The following LRP5 variants were observed in gnomAD, a reference collection of about 807,000 sequenced individuals.
LRP5 encodes low-density lipoprotein receptor-related protein 5.
LRP5 carries 62 observed loss-of-function variants against 154.1 expected under a neutral mutation model. The ratio of observed to expected loss-of-function variants is 0.40; its 90% CI spans 0.33 to 0.50. The LOEUF is 0.50. LRP5 is among the 20% of genes least tolerant of loss of function. The pLI, the probability that LRP5 is intolerant of heterozygous loss-of-function variation, is 0.55. For missense variants in LRP5, 1,915 were observed against 2,336.7 expected (o/e 0.82, Z 3.72); for synonymous variants, 966 against 1,011.5 (o/e 0.96, Z 0.85).
chr11:68,299,798 G>T, the LRP5 span, among the ~76,000 whole-genome samples: 9 of 148,886 alleles, frequency 6.0e-5, no homozygotes, highest in African/African-American at 2.2e-4. Context: ...GGCCAAGCTG[G>T]TCTCAAACTC....
chr11:68,391,585 C>T (rs1467790586), intron 7 of LRP5, among the ~76,000 whole-genome samples: 1 of 152,214 alleles, frequency 6.6e-6, no homozygotes, highest in African/African-American at 2.4e-5. Flanking sequence ...CGGGAGGAGT[C>T]TCAGCACCTT....
At chr11:68,312,336 TC>T (rs886999357), upstream of LRP5, among the ~76,000 whole-genome samples, 5 of 151,768 alleles carry the variant, frequency 3.3e-5, no homozygotes, top group Non-Finnish European at 7.4e-5. Flanking sequence ...CACACCTGGC[TC>T]CGGGCCCCGA....
At chr11:68,356,143 CTT>C (rs35481601) in intron 2 of LRP5, among the ~76,000 whole-genome samples, 30 of 133,196 alleles carry the variant, frequency 2.3e-4, no homozygotes, top group South Asian at 2.4e-4. Flanking sequence ...CGCACCCAGC[CTT>C]TTTTTTTTTT....
At chr11:68,369,689 TTG>T (rs1462526359) in intron 5 of LRP5, among the ~76,000 whole-genome samples, 4 of 152,176 alleles carry the variant, frequency 2.6e-5, no homozygotes, top group African/African-American at 9.7e-5. Context: ...AGAGAACATG[TTG>T]CCCTGGGAGC....
chr11:68,406,175 G>T (rs60082346), intron 8 of LRP5, among the ~76,000 whole-genome samples: 3 of 152,208 alleles, frequency 2.0e-5, no homozygotes, highest in Non-Finnish European at 4.4e-5. Context: ...GTCAGAGCCC[G>T]CACTGCTGTT....
At chr11:68,347,586 G>A (rs1020475851) in intron 1 of LRP5, among the ~76,000 whole-genome samples, 27 of 152,224 alleles carry the variant, frequency 1.8e-4, no homozygotes, top group Non-Finnish European at 3.2e-4. Flanking sequence ...GGGAACAGAC[G>A]TAACAGTTGG....
At position 68,447,898 on chromosome 11, in the gene LRP5, A is replaced by G. The variant is rs1056262931; in HGVS notation, c.4587-911A>G. On this transcript the variant is annotated intron_variant, in intron 22 of 22. Transcript: ENST00000294304. The surrounding 1 kb of genome is among the most constrained non-coding windows in gnomAD (Gnocchi z 4.3). ...CTGGGAGGATGGGAGGTCAGGAGCC[A>G]TCTTGCGAGTCAGGTTGCTTGAACT... Among the ~76,000 whole-genome samples, 17 of 152,188 alleles carry G rather than the reference A, an allele frequency of 1.1e-4. No homozygotes were observed. The highest frequency in any genetic ancestry group is 4.1e-4 in the African/African-American group (17 of 41,446).
intron 15 of LRP5, 53 bp from the exon 16 acceptor site, chr11:68,425,925 G>A: frequency 2.0e-6 from 3 of 1,505,994 alleles, no homozygotes; most frequent in Non-Finnish European, 1.8e-6. Context: ...GCTGAGTGTG[G>A]GGCAAGTTCT....
At chr11:68,380,529 A>G (rs769772416) in intron 5 of LRP5, among the ~76,000 whole-genome samples, 4 of 152,178 alleles carry the variant, frequency 2.6e-5, no homozygotes, top group Non-Finnish European at 4.4e-5. Context: ...CACTGTTGAC[A>G]TTTGAGCGCG....
intron 1 of LRP5, among the ~76,000 whole-genome samples, chr11:68,322,987 T>C (rs1479285909): frequency 1.3e-5 from 2 of 152,242 alleles, no homozygotes; most frequent in African/African-American, 4.8e-5. Context: ...GGCTTGGGCA[T>C]TTGCAGCCTT....
chr11:68,396,441 G>A (rs982447732), intron 7 of LRP5, among the ~76,000 whole-genome samples: 1 of 152,152 alleles, frequency 6.6e-6, no homozygotes, highest in Non-Finnish European at 1.5e-5. Flanking sequence ...TTTCTGCGGG[G>A]CTAGCCGGGC....
At position 68,423,404 on chromosome 11, in the gene LRP5, G is replaced by A; in HGVS notation, c.3028-85G>A. 7.7e-7 allele frequency: 1 copy of A among 1,303,268 alleles called. No homozygotes were observed. Among genetic ancestry groups the A allele is most frequent in the Non-Finnish European group, 1.1e-6 (1 of 898,510 alleles). The allele number at this position is 1,303,268 out of a possible 1,614,324, so 80.7% of individuals were successfully genotyped here. ...GCCCGGGGGTCTCCACCAGTGCCCG[G>A]GGGTCTCCGCCAGTGCCAGGGGTCT... On this transcript the variant is annotated intron_variant, in intron 13 of 22. Transcript: ENST00000294304. The surrounding 1 kb of genome is among the most constrained non-coding windows in gnomAD (Gnocchi z 4.7).
intron 1 of LRP5, among the ~76,000 whole-genome samples, chr11:68,336,525 A>G (rs1350893148): frequency 2.0e-5 from 3 of 152,042 alleles, no homozygotes; most frequent in Non-Finnish European, 2.9e-5. Context: ...CTGGAGTGCA[A>G]TGGTACAATC....
intron 7 of LRP5, among the ~76,000 whole-genome samples, chr11:68,397,036 C>T (rs2098649788): frequency 6.6e-6 from 1 of 152,188 alleles, no homozygotes; most frequent in African/African-American, 2.4e-5. Context: ...CCCCAGGACA[C>T]CTCCTTAGCC....
intron 5 of LRP5, among the ~76,000 whole-genome samples, chr11:68,382,688 T>A (rs1439336033): frequency 1.3e-5 from 2 of 152,090 alleles, no homozygotes; most frequent in African/African-American, 4.8e-5. Context: ...AAAAACGCAC[T>A]TCCTGCATGT....
chr11:68,416,606 C>T (rs1311050855), intron 13 of LRP5, 79 bp downstream of exon 13: 2 of 1,370,226 alleles, frequency 1.5e-6, no homozygotes, highest in Non-Finnish European at 2.0e-6. Flanking sequence ...CTGCCCCTGT[C>T]CTTAGCAGAG....
At chr11:68,348,365 TG>T in intron 2 of LRP5, 122 bp downstream of exon 2, 13 of 1,311,760 alleles carry the variant, frequency 9.9e-6, no homozygotes, top group South Asian at 2.6e-5. Flanking sequence ...AATGAACCCG[TG>T]GGGGGGTTGG....
In LRP5 at chr11:68,348,366, G is replaced by T. The variant is rs190223711; in HGVS notation, c.488+123G>T. ...GGTGTGACTCTGAAAATGAACCCGT[G>T]GGGGGGTTGGCTCAGGCCTGTAACC... On this transcript the variant is annotated intron_variant, in intron 2 of 22. Coordinates refer to ENST00000294304, the MANE Select transcript of LRP5 (RefSeq NM_002335.4). 2,134 of 1,305,554 alleles carry T rather than the reference G, an allele frequency of 1.6e-3. 1 individual carries two copies. The highest frequency in any genetic ancestry group is 2.0e-3 in the Non-Finnish European group (1,847 of 943,736). 80.9% of individuals were successfully genotyped at this position (1,305,554 alleles called of 1,614,324 possible).
At chr11:68,336,141 A>T (rs1411225661) in intron 1 of LRP5, among the ~76,000 whole-genome samples, 1 of 152,178 alleles carries the variant, frequency 6.6e-6, no homozygotes, top group African/African-American at 2.4e-5. Flanking sequence ...AAGGAGTCAG[A>T]GCTTGTCCAC....
Sources: gnomAD v4.1 joint callset for allele counts (sites outside exome capture counted in the v4.1 genomes callset) on GRCh38, gnomAD v4.1.1 for gene constraint, Gnocchi (gnomAD v3.1) non-coding constraint, MANE v1.5 for transcripts, NCBI Gene and HGNC (gene_info 2026-07-23, HGNC 2026-07-21) for gene names.